The following TPST2 variants were observed in gnomAD, a reference collection of about 807,000 sequenced individuals.
The protein encoded by TPST2 is tyrosylprotein sulfotransferase 2, also known as protein-tyrosine sulfotransferase 2.
In TPST2, 16 loss-of-function variants were observed where a neutral mutation model predicts 27.8. That is an observed-to-expected ratio of 0.58 (90% CI 0.39 to 0.88). TPST2 has a LOEUF of 0.88. Among genes scored for constraint, TPST2 ranks in the 40% least tolerant of loss-of-function variants. The pLI is 0.00. For missense variants in TPST2, 464 were observed against 543.1 expected, an observed-to-expected ratio of 0.85 and a Z score of 1.45; for synonymous variants, 229 against 231.7, an observed-to-expected ratio of 0.99 and a Z score of 0.10.
intron 4 of TPST2, 42 bp from the exon 5 acceptor site, chr22:26,532,787 CA>C: frequency 1.3e-6 from 2 of 1,594,044 alleles, no homozygotes; most frequent in African/African-American, 1.3e-5. Flanking sequence ...TGAAAATGGC[CA>C]AAAAATAAAA....
At chr22:26,542,204 T>C (rs1375789904) in intron 2 of TPST2, among the ~76,000 whole-genome samples, 1 of 143,602 alleles carries the variant, frequency 7.0e-6, no homozygotes, top group Non-Finnish European at 1.5e-5. Flanking sequence ...ACTGCGCCAC[T>C]GCACTCCAGC....
At position 26,540,789 on chromosome 22, in the gene TPST2, T is replaced by C. The variant is rs1243098887; in HGVS notation, c.842A>G (p.Lys281Arg). 1 of 1,576,580 alleles carries C rather than the reference T, an allele frequency of 6.3e-7. No individual in the cohort carries two copies. Among genetic ancestry groups the C allele is most frequent in the African/African-American group, 1.3e-5 (1 of 74,392 alleles). The change falls in exon 3 of 7, where the codon AAG becomes AGG. Residue 281 changes from lysine (K) to arginine (R), a missense_variant and splice_region_variant. Physicochemically the swap from Lys to Arg is conservative, Grantham distance 26. Coordinates refer to ENST00000338754, the MANE Select transcript of TPST2 (RefSeq NM_003595.5). ...TGGAAGCATCAGGGGCTCCACTCAC[T>C]TGGACAGGGAGACACCACCGGGCTT... ...IGKPGGVSLS[K>R]IERSTDQVIK...
At chr22:26,579,423 C>G (rs1189884314) in intron 1 of TPST2, among the ~76,000 whole-genome samples, 1 of 152,192 alleles carries the variant, frequency 6.6e-6, no homozygotes, top group African/African-American at 2.4e-5. Context: ...AGCCCTGGGG[C>G]CCGGTGGGGA....
At chr22:26,532,594 C>G in intron 5 of TPST2, 101 bp downstream of exon 5, 1 of 1,295,252 alleles carries the variant, frequency 7.7e-7, no homozygotes, top group Admixed American at 2.1e-5. Flanking sequence ...AATGGGAAAA[C>G]CATCAACCAG....
chr22:26,568,512 A>C (rs924996761), intron 1 of TPST2, among the ~76,000 whole-genome samples: 1 of 152,246 alleles, frequency 6.6e-6, no homozygotes, highest in African/African-American at 2.4e-5. Flanking sequence ...AAGCCGGACA[A>C]AACCGCCAAA....
At chr22:26,572,389 TG>T (rs1351413141) in intron 1 of TPST2, among the ~76,000 whole-genome samples, 1 of 152,182 alleles carries the variant, frequency 6.6e-6, no homozygotes, top group African/African-American at 2.4e-5. Flanking sequence ...GGAGCCGAGA[TG>T]GAGACACAAA....
Position 26,536,389 on chromosome 22 carries a change from C to A in TPST2, c.940G>T (p.Ala314Ser). 6.2e-7 allele frequency: 1 copy of A among 1,603,940 alleles called. No individual in the cohort carries two copies. The highest frequency in any genetic ancestry group is 8.5e-7 in the Non-Finnish European group (1 of 1,173,046). ...HIPGDVVRDM[A>S]QIAPMLAQLG... is the part of the protein sequence containing the mutation. ...TGAGCCAGCATGGGGGCGATCTGGG[C>A]CATGTCCCGCACCACATCCCCAGGG... The change falls in exon 4 of 7, where the codon GCC becomes TCC. Residue 314 changes from alanine to serine, a missense_variant. Ala to Ser is a moderately conservative substitution (Grantham distance 99). Transcript: ENST00000338754.
At chr22:26,564,264 G>C (rs561018565) in intron 1 of TPST2, among the ~76,000 whole-genome samples, 7 of 152,346 alleles carry the variant, frequency 4.6e-5, no homozygotes, top group Admixed American at 4.6e-4. Flanking sequence ...ACTCTCAGTA[G>C]CTGCTTGGAG....
chr22:26,571,041 G>A (rs944270789), intron 1 of TPST2, among the ~76,000 whole-genome samples: 7 of 152,272 alleles, frequency 4.6e-5, no homozygotes, highest in Non-Finnish European at 8.8e-5. Context: ...GTGACCTTAG[G>A]AAAACGGAAG....
At chr22:26,583,735 G>C (rs1195970745) in intron 1 of TPST2, among the ~76,000 whole-genome samples, 3 of 152,104 alleles carry the variant, frequency 2.0e-5, no homozygotes, top group African/African-American at 7.2e-5. Context: ...AGCTACTTGG[G>C]AGGCTGAGGC....
At chr22:26,528,183 C>CG (rs1569175237) in intron 6 of TPST2, 31 bp downstream of exon 6, 1 of 1,554,000 alleles carries the variant, frequency 6.4e-7, no homozygotes, top group Admixed American at 1.9e-5. Context: ...CCAGAAGCAG[C>CG]GGGAACCCCC....
chr22:26,531,816 C>G (rs1925178268), intron 5 of TPST2, among the ~76,000 whole-genome samples: 1 of 152,186 alleles, frequency 6.6e-6, no homozygotes, highest in Non-Finnish European at 1.5e-5. Flanking sequence ...TCCCAGCCAA[C>G]TTCAAATCTG....
At chr22:26,577,323 T>C (rs1602302666) in intron 1 of TPST2, among the ~76,000 whole-genome samples, 1 of 147,494 alleles carries the variant, frequency 6.8e-6, no homozygotes, top group East Asian at 2.0e-4. Context: ...GCCTGGGGGG[T>C]TTTCTACACA....
rs1013173638 is a variant in TPST2 at position 26,532,801 on chromosome 22, T to C, written c.1042-56A>G. The C allele has an allele frequency of 1.9e-6, 3 of 1,565,914 alleles. No homozygotes were observed. In the African/African-American group the frequency reaches 4.1e-5, roughly 21 times the overall value. ...ATGAAAATGGCCAAAAAATAAAATT[T>C]AGTCATTCCCAACACATCCAGTCAT... On this transcript the variant is annotated intron_variant, in intron 4 of 6. Transcript: ENST00000338754.
intron 3 of TPST2, among the ~76,000 whole-genome samples, chr22:26,537,509 G>A (rs1352660621): frequency 6.6e-6 from 1 of 152,198 alleles, no homozygotes; most frequent in Non-Finnish European, 1.5e-5. Flanking sequence ...CTGGAGTGCA[G>A]TGGCACAATC....
chr22:26,551,883 C>CTTTTT (rs1163793644), intron 1 of TPST2, among the ~76,000 whole-genome samples: 65 of 66,392 alleles, frequency 9.8e-4, no homozygotes, highest in Non-Finnish European at 1.2e-3. Context: ...TTTTCTTTTT[C>CTTTTT]TTTTTTTTTT....
At chr22:26,558,073 T>A (rs1334579178) in intron 1 of TPST2, among the ~76,000 whole-genome samples, 3 of 143,808 alleles carry the variant, frequency 2.1e-5, no homozygotes, top group Admixed American at 7.0e-5. Context: ...TATATAAAAT[T>A]TATATATATA....
chr22:26,530,510 C>T (rs759591159), intron 5 of TPST2, among the ~76,000 whole-genome samples: 17 of 151,968 alleles, frequency 1.1e-4, no homozygotes, highest in South Asian at 2.1e-4. Context: ...TCTACTGAAT[C>T]ATTCCCTTAG....
At chr22:26,547,646 T>C (rs1197031786) in intron 1 of TPST2, 1 of 152,000 alleles carries the variant, frequency 6.6e-6, no homozygotes, top group Non-Finnish European at 1.5e-5. Flanking sequence ...GAAGGAAATA[T>C]GACTCAACTG....
Sources: gnomAD v4.1 joint callset for allele counts (sites outside exome capture counted in the v4.1 genomes callset) on GRCh38, gnomAD v4.1.1 for gene constraint, MANE v1.5 for transcripts, NCBI Gene and HGNC (gene_info 2026-07-23, HGNC 2026-07-21) for gene names.